The following TOX3 variants were observed in gnomAD, a reference collection of about 807,000 sequenced individuals.
TOX3 encodes CAG trinucleotide repeat-containing gene F9 protein.
A neutral mutation model predicts 64.3 loss-of-function variants in TOX3; 22 were observed. The observed-to-expected ratio is 0.34, with a 90% CI of 0.24 to 0.49. The LOEUF is 0.49. Among genes scored for constraint, TOX3 ranks in the 20% least tolerant of loss-of-function variants. The pLI is 0.99. For missense variants in TOX3, 661 were observed against 714.4 expected, an observed-to-expected ratio of 0.93 and a Z score of 0.85; for synonymous variants, 291 against 273.6, an observed-to-expected ratio of 1.06 and a Z score of -0.63.
rs975560619 is a variant in TOX3 at position 52,468,445 on chromosome 16, A to C, written c.153+64T>G. ...AATTTGATACTTTGTTTTTCCCTTC[A>C]AGCCTATTAAATTATCTCAATAACA... On this transcript the variant is annotated intron_variant, in intron 2 of 6. Coordinates refer to ENST00000219746, the MANE Select transcript of TOX3 (RefSeq NM_001080430.4). The C allele has an allele frequency of 4.9e-6, 7 of 1,435,952 alleles. No homozygotes were observed. The African/African-American group carries it at 9.9e-5, about 20-fold the overall frequency. The allele number at this position is 1,435,952 out of a possible 1,614,324, so 89.0% of individuals were successfully genotyped here.
chr16:52,504,872 T>C (rs2151467171), intron 1 of TOX3, among the ~76,000 whole-genome samples: 1 of 152,272 alleles, frequency 6.6e-6, no homozygotes, highest in East Asian at 1.9e-4. Flanking sequence ...TCTTGCTCTG[T>C]TGCCCAGGCT....
chr16:52,437,329 TACA>T lies in TOX3; in HGVS notation c.*1893_*1895del, dbSNP rs1959778881. On this transcript the variant is annotated 3_prime_UTR_variant, in exon 7 of 7. Coordinates refer to ENST00000219746, the MANE Select transcript of TOX3 (RefSeq NM_001080430.4). Reference sequence around the variant, plus strand: ...AACATACAGTAAATAATCTCTGAAATACAACAACTTTGAGGGATCCATATTCCA... The same window carrying T: ...AACATACAGTAAATAATCTCTGAAATACAACTTTGAGGGATCCATATTCCA... 1 of 152,230 alleles carries T rather than the reference TACA, an allele frequency of 6.6e-6. No homozygotes were observed. The highest frequency in any genetic ancestry group is 2.1e-4 in the South Asian group (1 of 4,824). 9.4% of individuals were successfully genotyped at this position (152,230 alleles called of 1,614,324 possible).
At chr16:52,484,439 A>G (rs1260591805) in intron 1 of TOX3, among the ~76,000 whole-genome samples, 1 of 152,200 alleles carries the variant, frequency 6.6e-6, no homozygotes, top group Non-Finnish European at 1.5e-5. Context: ...TCAGAAAAAA[A>G]GTATATATTT....
At chr16:52,512,490 T>C (rs1308822726) in intron 1 of TOX3, among the ~76,000 whole-genome samples, 1 of 152,232 alleles carries the variant, frequency 6.6e-6, no homozygotes, top group African/African-American at 2.4e-5. Context: ...AGTGCCATAT[T>C]CATGATCCCA....
chr16:52,439,069 G>T lies in TOX3; in HGVS notation c.*156C>A. 9.5e-7 allele frequency: 1 copy of T among 1,053,130 alleles called. No individual in the cohort carries two copies. The highest frequency in any genetic ancestry group is 1.4e-6 in the Non-Finnish European group (1 of 705,498). 65.2% of individuals were successfully genotyped at this position (1,053,130 alleles called of 1,614,324 possible). A position where few individuals can be genotyped will look rare whatever the true frequency, so the allele number is the denominator to read the frequency against. On this transcript the variant is annotated 3_prime_UTR_variant, in exon 7 of 7. Transcript: ENST00000219746. The stretch of plus-strand genomic sequence containing the variant: ...AAAGATGTTACTCAGCTACACTGCA[G>T]TTCTTATTGCCTATCTAATAGACAC...
At chr16:52,441,396 A>C (rs1261488139) in intron 6 of TOX3, among the ~76,000 whole-genome samples, 1 of 152,232 alleles carries the variant, frequency 6.6e-6, no homozygotes, top group Non-Finnish European at 1.5e-5. Flanking sequence ...TAAGGGGAAA[A>C]TGTTCAACTT....
chr16:52,442,252 G>C (rs115561142), intron 6 of TOX3, among the ~76,000 whole-genome samples: 1,661 of 152,254 alleles, frequency 0.011, 36 homozygotes, highest in African/African-American at 0.038. Flanking sequence ...CGTATCTTAA[G>C]GGGGGAGGTC....
At chr16:52,534,336 T>C (rs1331563716) in intron 1 of TOX3, among the ~76,000 whole-genome samples, 2 of 152,110 alleles carry the variant, frequency 1.3e-5, no homozygotes, top group African/African-American at 4.8e-5. Context: ...TAGTCAAGGT[T>C]ACATACAAAG....
chr16:52,445,796 C>A, intron 5 of TOX3, 198 bp downstream of exon 5: 1 of 581,374 alleles, frequency 1.7e-6, no homozygotes, highest in Non-Finnish European at 3.0e-6. Flanking sequence ...AACATGCACC[C>A]ATAAGCTGAC....
intron 1 of TOX3, among the ~76,000 whole-genome samples, chr16:52,537,606 C>A (rs1962982465): frequency 6.6e-6 from 1 of 152,110 alleles, no homozygotes; most frequent in Non-Finnish European, 1.5e-5. Context: ...GACATCAGCA[C>A]TTTGTTTTTC....
intron 1 of TOX3, among the ~76,000 whole-genome samples, chr16:52,508,959 T>C (rs921724206): frequency 1.3e-5 from 2 of 152,198 alleles, no homozygotes; most frequent in African/African-American, 4.8e-5. Context: ...TGATTGTTAT[T>C]CATAAAGTAT....
At chr16:52,449,607 T>A (rs1660620089) in intron 4 of TOX3, among the ~76,000 whole-genome samples, 1 of 152,242 alleles carries the variant, frequency 6.6e-6, no homozygotes, top group African/African-American at 2.4e-5. Flanking sequence ...CTTATAAATC[T>A]TTGTATCACA....
chr16:52,540,594 C>CTAGGGTTGG (rs1359578948), intron 1 of TOX3, among the ~76,000 whole-genome samples: 2 of 152,062 alleles, frequency 1.3e-5, no homozygotes, highest in Non-Finnish European at 2.9e-5. Context: ...AGTGAGTAGC[C>CTAGGGTTGG]TAGGGTTGGT....
At chr16:52,491,014 TATGGAAGTCTGATCATAC>T (rs1474610404) in intron 1 of TOX3, among the ~76,000 whole-genome samples, 2 of 152,164 alleles carry the variant, frequency 1.3e-5, no homozygotes, top group Non-Finnish European at 2.9e-5. Flanking sequence ...AGTCTTCCAA[TATGGAAGTCTGATCATAC>T]ATGTCACTGT....
intron 3 of TOX3, among the ~76,000 whole-genome samples, chr16:52,459,568 A>G (rs1168143609): frequency 1.3e-5 from 2 of 152,176 alleles, no homozygotes; most frequent in Non-Finnish European, 2.9e-5. Context: ...TAAGCATTCA[A>G]TTTGTATGAG....
chr16:52,495,854 ATG>A (rs1238863167), intron 1 of TOX3, among the ~76,000 whole-genome samples: 1 of 152,174 alleles, frequency 6.6e-6, no homozygotes. Context: ...TTTCAGTATA[ATG>A]AAATTTGGCT....
At chr16:52,514,126 T>C (rs1038369034) in intron 1 of TOX3, among the ~76,000 whole-genome samples, 2 of 152,214 alleles carry the variant, frequency 1.3e-5, no homozygotes, top group African/African-American at 4.8e-5. Flanking sequence ...GGCCTGGCAA[T>C]GAACTTGAGG....
At chr16:52,524,606 A>G (rs1962682587) in intron 1 of TOX3, among the ~76,000 whole-genome samples, 1 of 152,056 alleles carries the variant, frequency 6.6e-6, no homozygotes, top group South Asian at 2.1e-4. Flanking sequence ...GCTGAAAGGG[A>G]CTCACTCTTG....
intron 1 of TOX3, among the ~76,000 whole-genome samples, chr16:52,515,159 T>A (rs1447849616): frequency 2.2e-5 from 3 of 135,588 alleles, no homozygotes; most frequent in Admixed American, 7.3e-5. Context: ...AGCAAATGAA[T>A]AACTTAAAAG....
Sources: gnomAD v4.1 joint callset for allele counts (sites outside exome capture counted in the v4.1 genomes callset) on GRCh38, gnomAD v4.1.1 for gene constraint, MANE v1.5 for transcripts, NCBI Gene and HGNC (gene_info 2026-07-23, HGNC 2026-07-21) for gene names.